RIOK1: variants seen among roughly 807,000 people sequenced by gnomAD.
The protein encoded by RIOK1 is serine/threonine-protein kinase RIO1.
RIOK1 carries 66 observed loss-of-function variants against 73.5 expected under a neutral mutation model. The observed-to-expected ratio is 0.90, with a 90% CI of 0.74 to 1.10. RIOK1 has a LOEUF of 1.10. RIOK1 is among the 50% of genes least tolerant of loss of function. RIOK1 has a pLI of 0.00. For missense variants in RIOK1, 658 were observed against 699.8 expected, an observed-to-expected ratio of 0.94 and a Z score of 0.67; for synonymous variants, 224 against 226.8, an observed-to-expected ratio of 0.99 and a Z score of 0.11.
Position 7,404,980 on chromosome 6 carries a change from A to G in RIOK1, c.1055A>G (p.His352Arg), listed in dbSNP as rs541292921. 7.4e-6 allele frequency: 12 copies of G among 1,614,098 alleles called. No individual in the cohort carries two copies. The highest frequency in any genetic ancestry group is 1.3e-5 in the African/African-American group (1 of 74,954). The stretch of plus-strand genomic sequence containing the variant: ...CAGTCCGTGGAGCACGACCACCCAC[A>G]TGCCTTGGAGTTCTTGAGAAAGGAT... Reference protein sequence around the residue: ...VSQSVEHDHPHALEFLRKDCA... With the variant: ...VSQSVEHDHPRALEFLRKDCA... The change falls in exon 11 of 17, where the codon CAT (histidine) becomes CGT (arginine). Residue 352 changes from histidine to arginine, a missense_variant. His to Arg is a conservative substitution (Grantham distance 29). Transcript: ENST00000379834.
chr6:7,399,976 TG>T (rs1228903293), intron 5 of RIOK1, among the ~76,000 whole-genome samples: 1 of 152,224 alleles, frequency 6.6e-6, no homozygotes, highest in African/African-American at 2.4e-5. Context: ...TCTCACCCCA[TG>T]GGGGCTAGAG....
intron 16 of RIOK1, among the ~76,000 whole-genome samples, chr6:7,415,883 T>C (rs781470472): frequency 6.6e-6 from 1 of 152,212 alleles, no homozygotes; most frequent in Non-Finnish European, 1.5e-5. Context: ...TATAGTATAT[T>C]GTTACCATTC....
In RIOK1 at chr6:7,408,307, G is replaced by A. The variant is rs549147526; in HGVS notation, c.1204-2079G>A. ...CTGCCTCGGCCTCCCAAAGTGCTGG[G>A]ATTACAGGCATAAGTCGCCTTGCCT... On this transcript the variant is annotated intron_variant, in intron 12 of 16. Coordinates refer to ENST00000379834, the MANE Select transcript of RIOK1 (RefSeq NM_031480.3). 9.4e-4 allele frequency among the ~76,000 whole-genome samples: 143 copies of A among 152,334 alleles called. 1 individual carries two copies. The highest frequency in any genetic ancestry group is 3.2e-3 in the African/African-American group (135 of 41,590).
At chr6:7,408,228 G>A (rs1465890502) in intron 12 of RIOK1, among the ~76,000 whole-genome samples, 3 of 152,238 alleles carry the variant, frequency 2.0e-5, no homozygotes, top group Non-Finnish European at 4.4e-5. Context: ...TAGAGATAAG[G>A]TTTCACCATG....
In RIOK1 at chr6:7,411,359, A is replaced by G; in HGVS notation, c.1297A>G (p.Thr433Ala). The G allele has an allele frequency of 1.2e-6, 2 of 1,614,094 alleles. No individual in the cohort carries two copies. Among genetic ancestry groups the G allele is most frequent in the Non-Finnish European group, 1.7e-6 (2 of 1,179,966 alleles). ...EVFKRAYIPRTLNEVKNYERD... is the reference protein window; with the variant it reads ...EVFKRAYIPRALNEVKNYERD... ...GTTTAAGCGAGCATATATTCCTAGAACCTTGAATGAAGTGAAAAATTATGA... is the reference window on the plus strand; with the variant it reads ...GTTTAAGCGAGCATATATTCCTAGAGCCTTGAATGAAGTGAAAAATTATGA... The change falls in exon 14 of 17, where the codon ACC becomes GCC. Residue 433 changes from threonine (T) to alanine (A), a missense_variant. Transcript: ENST00000379834.
At chr6:7,410,963 C>T (rs1761871318) in intron 13 of RIOK1, among the ~76,000 whole-genome samples, 1 of 152,142 alleles carries the variant, frequency 6.6e-6, no homozygotes, top group Non-Finnish European at 1.5e-5. Context: ...GGGTATGTTT[C>T]GTAAGGCATA....
At chr6:7,407,627 A>G (rs1761780303) in intron 12 of RIOK1, among the ~76,000 whole-genome samples, 1 of 151,862 alleles carries the variant, frequency 6.6e-6, no homozygotes, top group African/African-American at 2.4e-5. Context: ...CTGAGACTAT[A>G]GGTGCAGACC....
At chr6:7,397,718 C>T (rs775476802) in intron 4 of RIOK1, among the ~76,000 whole-genome samples, 26 of 152,206 alleles carry the variant, frequency 1.7e-4, no homozygotes, top group Non-Finnish European at 3.5e-4. Flanking sequence ...TTTGTTATTT[C>T]ACTGGTATCT....
intron 5 of RIOK1, 150 bp downstream of exon 5, chr6:7,398,890 A>G: frequency 1.6e-6 from 1 of 625,438 alleles, no homozygotes; most frequent in Non-Finnish European, 2.7e-6. Flanking sequence ...TTTCGAGTTT[A>G]GAGACCTACA....
intron 4 of RIOK1, among the ~76,000 whole-genome samples, chr6:7,397,757 T>C (rs1162841163): frequency 1.3e-5 from 2 of 152,248 alleles, no homozygotes; most frequent in African/African-American, 2.4e-5. Context: ...AAACCTTTAT[T>C]AGTTTAGGTT....
chr6:7,409,208 A>C (rs1761824847), intron 12 of RIOK1, among the ~76,000 whole-genome samples: 1 of 124,426 alleles, frequency 8.0e-6, no homozygotes, highest in African/African-American at 3.2e-5. Flanking sequence ...ACCACTCCCG[A>C]CTAATTGTGT....
At position 7,405,273 on chromosome 6, in the gene RIOK1, C is replaced by A; in HGVS notation, c.1121C>A (p.Ala374Asp). 6.2e-7 allele frequency: 1 copy of A among 1,611,054 alleles called. No individual in the cohort carries two copies. Among genetic ancestry groups the A allele is most frequent in the Non-Finnish European group, 8.5e-7 (1 of 1,177,342 alleles). ...VNDFFMRHSV[A>D]VMTVRELFEF... ...GATTTCTTTATGAGGCACAGTGTTG[C>A]TGTCATGACTGTGCGGGAGCTCTTT... The change falls in exon 12 of 17, where the codon GCT (alanine) becomes GAT (aspartate). Residue 374 changes from alanine to aspartate, a missense_variant. Ala to Asp is a moderately radical substitution (Grantham distance 126). Coordinates refer to ENST00000379834, the MANE Select transcript of RIOK1 (RefSeq NM_031480.3).
At chr6:7,399,656 C>G (rs11243164) in intron 5 of RIOK1, among the ~76,000 whole-genome samples, 2 of 151,918 alleles carry the variant, frequency 1.3e-5, no homozygotes, top group South Asian at 4.1e-4. Context: ...CTTAAGCCAT[C>G]TGGTTTGTTA....
chr6:7,404,423 C>T lies in RIOK1; in HGVS notation c.860C>T (p.Ala287Val). ...MSFIGKDDMPAPLLKNVQLSE... is the reference protein window; with the variant it reads ...MSFIGKDDMPVPLLKNVQLSE... ...CTTAGTTCTTTTCATTCAAGGCCTG[C>T]ACCACTCTTGAAAAATGTCCAGTTA... is the stretch of plus-strand genomic sequence containing the variant. The change falls in exon 10 of 17, where the codon GCA (alanine) becomes GTA (valine). Residue 287 changes from alanine to valine, a missense_variant. By Grantham distance (64) the Ala-to-Val change is moderately conservative. Transcript: ENST00000379834. 1 of 1,614,018 alleles carries T rather than the reference C, an allele frequency of 6.2e-7. No individual in the cohort carries two copies. Among genetic ancestry groups the T allele is most frequent in the Non-Finnish European group, 8.5e-7 (1 of 1,180,002 alleles).
At chr6:7,397,001 T>C (rs1761491635) in intron 4 of RIOK1, among the ~76,000 whole-genome samples, 1 of 152,076 alleles carries the variant, frequency 6.6e-6, no homozygotes, top group Admixed American at 6.6e-5. Flanking sequence ...TGGTGGCTCA[T>C]GCCTGTAATC....
intron 6 of RIOK1, among the ~76,000 whole-genome samples, chr6:7,401,593 A>G (rs767472116): frequency 1.1e-4 from 16 of 151,696 alleles, no homozygotes; most frequent in Admixed American, 3.9e-4. Context: ...TTTTAAAGCA[A>G]TTATTTAAAA....
rs141215695 is a variant in RIOK1, at chr6:7,405,258, T to G, written c.1106T>G (p.Met369Arg). The G allele has an allele frequency of 7.5e-6, 12 of 1,607,596 alleles. No homozygotes were observed. The highest frequency in any genetic ancestry group is 1.7e-4 in the Middle Eastern group (1 of 6,040). Residue 369 changes from methionine to arginine, a missense_variant, in exon 12 of 17, where the codon ATG (methionine) becomes AGG (arginine). Transcript: ENST00000379834. ...KDCANVNDFF[M>R]RHSVAVMTVR... Reference sequence around the variant, plus strand: ...TTTTTCCTTCTGACAGATTTCTTTATGAGGCACAGTGTTGCTGTCATGACT... The same window carrying G: ...TTTTTCCTTCTGACAGATTTCTTTAGGAGGCACAGTGTTGCTGTCATGACT...
chr6:7,415,149 T>C (rs1761967534), intron 16 of RIOK1, among the ~76,000 whole-genome samples: 1 of 152,236 alleles, frequency 6.6e-6, no homozygotes, highest in South Asian at 2.1e-4. Context: ...AAGGTGACCA[T>C]TCTTGACTTA....
chr6:7,393,363 A>G, intron 2 of RIOK1, 60 bp downstream of exon 2: 1 of 1,416,674 alleles, frequency 7.1e-7, no homozygotes, highest in Non-Finnish European at 9.9e-7. Context: ...CTTTTTTAAA[A>G]GGCTGTTTTG....
Sources: allele counts gnomAD v4.1 joint callset (sites outside exome capture counted in the v4.1 genomes callset), GRCh38; gene constraint gnomAD v4.1.1; transcripts MANE v1.5; gene names NCBI Gene and HGNC (gene_info 2026-07-23, HGNC 2026-07-21).